The following CACNA2D1 variants were observed in gnomAD, a reference collection of about 807,000 sequenced individuals.
CACNA2D1 encodes calcium voltage-gated channel auxiliary subunit alpha2delta 1, also known as voltage-dependent calcium channel subunit alpha-2/delta-1.
In CACNA2D1, 53 loss-of-function variants were observed where a neutral mutation model predicts 171.5. The ratio of observed to expected loss-of-function variants is 0.31; its 90% confidence interval spans 0.25 to 0.39. CACNA2D1 has a LOEUF of 0.39. Among genes scored for constraint, CACNA2D1 ranks in the 10% least tolerant of loss-of-function variants. The probability of loss-of-function intolerance (pLI) is 1.00; values close to 1 mark genes in which losing one functional copy is unlikely to be tolerated. For missense variants in CACNA2D1, 903 were observed against 1,299.8 expected, an observed-to-expected ratio of 0.69 and a Z score of 4.69; for synonymous variants, 442 against 443.1, an observed-to-expected ratio of 1.00 and a Z score of 0.03.
At chr7:82,020,147 C>A (rs1189141318) in intron 12 of CACNA2D1, among the ~76,000 whole-genome samples, 1 of 152,150 alleles carries the variant, frequency 6.6e-6, no homozygotes, top group Non-Finnish European at 1.5e-5. Flanking sequence ...TTTGGTGATC[C>A]ACCTTAGCCT....
At chr7:82,165,670 A>G (rs12707474) in intron 4 of CACNA2D1, among the ~76,000 whole-genome samples, 42,503 of 151,638 alleles carry the variant, frequency 0.28, 5,985 homozygotes, top group Middle Eastern at 0.36. Context: ...AGAATTTTGG[A>G]GTAAATGAGC....
chr7:82,356,547 A>AT (rs1309464226), intron 1 of CACNA2D1, among the ~76,000 whole-genome samples: 1 of 152,184 alleles, frequency 6.6e-6, no homozygotes, highest in Admixed American at 6.5e-5. Flanking sequence ...ATTTATTCTC[A>AT]TTTATCAATA....
chr7:82,204,248 G>A (rs1799786638), intron 3 of CACNA2D1, among the ~76,000 whole-genome samples: 1 of 152,200 alleles, frequency 6.6e-6, no homozygotes, highest in Non-Finnish European at 1.5e-5. Flanking sequence ...TGATCACCAA[G>A]GAGGTGACAA....
At chr7:82,376,631 C>A (rs1409471858) in intron 1 of CACNA2D1, among the ~76,000 whole-genome samples, 2 of 152,110 alleles carry the variant, frequency 1.3e-5, no homozygotes, top group Non-Finnish European at 2.9e-5. Context: ...TTTAAAAATT[C>A]ATGTGGGTTA....
intron 4 of CACNA2D1, among the ~76,000 whole-genome samples, chr7:82,157,926 C>T (rs10486947): frequency 0.024 from 3,658 of 151,950 alleles, 62 homozygotes; most frequent in Non-Finnish European, 0.037. Context: ...TATAGAAACA[C>T]TAAGATTGCA....
chr7:82,342,668 T>C (rs1313835442), intron 2 of CACNA2D1, among the ~76,000 whole-genome samples: 1 of 152,154 alleles, frequency 6.6e-6, no homozygotes, highest in Non-Finnish European at 1.5e-5. Context: ...AAATGTATGC[T>C]GTCAGAATTC....
intron 3 of CACNA2D1, among the ~76,000 whole-genome samples, chr7:82,201,075 C>T (rs749523283): frequency 6.6e-6 from 1 of 152,112 alleles, no homozygotes; most frequent in Non-Finnish European, 1.5e-5. Flanking sequence ...TCTAGTACCT[C>T]TTGTTCATTT....
At position 81,955,644 on chromosome 7, in the gene CACNA2D1, T is replaced by A. The variant is rs190492513; in HGVS notation, c.3159+3631A>T. ...ATCAGAAGGATATAGATTATACTTC[T>A]ACAATTATGAAGCTCCATACCATGA... is the stretch of plus-strand genomic sequence containing the variant. On this transcript the variant is annotated intron_variant, in intron 38 of 38. Transcript: ENST00000356860. Among the ~76,000 whole-genome samples the A allele has an allele frequency of 5.9e-5, 9 of 152,100 alleles. No homozygotes were observed. In the East Asian group the frequency reaches 1.6e-3, roughly 26 times the overall value.
chr7:82,377,114 G>C (rs2237524), intron 1 of CACNA2D1, among the ~76,000 whole-genome samples: 2 of 152,056 alleles, frequency 1.3e-5, no homozygotes, highest in African/African-American at 2.4e-5. Context: ...AATTTTGTCA[G>C]GAAAATCTGG....
At chr7:82,282,673 CAA>C (rs930801462) in intron 3 of CACNA2D1, among the ~76,000 whole-genome samples, 1 of 143,696 alleles carries the variant, frequency 7.0e-6, no homozygotes, top group African/African-American at 2.7e-5. Flanking sequence ...TTTTATTAAA[CAA>C]AGTGTTGTGT....
chr7:82,202,492 C>T (rs1023900253), intron 3 of CACNA2D1, among the ~76,000 whole-genome samples: 2 of 152,058 alleles, frequency 1.3e-5, no homozygotes, highest in African/African-American at 2.4e-5. Flanking sequence ...GAAACCTGGG[C>T]GGCAGTAGAT....
intron 6 of CACNA2D1, among the ~76,000 whole-genome samples, chr7:82,106,672 G>A (rs1487591053): frequency 6.6e-6 from 1 of 151,918 alleles, no homozygotes; most frequent in Non-Finnish European, 1.5e-5. Flanking sequence ...TAAACATTGT[G>A]CCTAGGTAAT....
At chr7:82,412,282 T>A (rs1000346985) in intron 1 of CACNA2D1, among the ~76,000 whole-genome samples, 12 of 144,744 alleles carry the variant, frequency 8.3e-5, no homozygotes, top group Non-Finnish European at 1.5e-4. Flanking sequence ...GCTTGTAACT[T>A]TTTTTTTTTT....
Position 82,268,568 on chromosome 7 carries a change from C to G in CACNA2D1, c.294+66567G>C, listed in dbSNP as rs116175195. ...CTTATTCAACCAAAACCAGAAATAT[C>G]AAAACAGAAGAGTTAATTATTGGGG... is the stretch of plus-strand genomic sequence containing the variant. On this transcript the variant is annotated intron_variant, in intron 3 of 38. Transcript: ENST00000356860. Among the ~76,000 whole-genome samples, 1,253 of 151,886 alleles carry G rather than the reference C, an allele frequency of 8.2e-3. 24 individuals are homozygous for G. The highest frequency in any genetic ancestry group is 0.029 in the African/African-American group (1,185 of 41,412).
At chr7:82,075,219 TAA>T (rs3086906) in intron 7 of CACNA2D1, among the ~76,000 whole-genome samples, 55,774 of 148,284 alleles carry the variant, frequency 0.38, 10,841 homozygotes, top group Non-Finnish European at 0.44. Context: ...TCACCATAAT[TAA>T]AAAAAAAAAA....
chr7:82,117,401 T>C (rs1789192980), intron 5 of CACNA2D1, among the ~76,000 whole-genome samples: 1 of 152,174 alleles, frequency 6.6e-6, no homozygotes, highest in Non-Finnish European at 1.5e-5. Context: ...CTCTCCTGAT[T>C]TCCTCAATGT....
At chr7:82,346,488 A>G (rs1419891186) in intron 2 of CACNA2D1, among the ~76,000 whole-genome samples, 1 of 152,176 alleles carries the variant, frequency 6.6e-6, no homozygotes, top group Non-Finnish European at 1.5e-5. Flanking sequence ...GGGATATGCT[A>G]TAATACTCCA....
At chr7:82,224,581 C>T (rs559431861) in intron 3 of CACNA2D1, among the ~76,000 whole-genome samples, 1 of 150,924 alleles carries the variant, frequency 6.6e-6, no homozygotes, top group African/African-American at 2.4e-5. Context: ...GACTCCGACT[C>T]GAAAAAAAAA....
intron 4 of CACNA2D1, among the ~76,000 whole-genome samples, chr7:82,141,472 G>A (rs879395295): frequency 6.6e-6 from 1 of 152,150 alleles, no homozygotes; most frequent in Non-Finnish European, 1.5e-5. Context: ...CCAGTCTCCT[G>A]TTCCCATCCC....
Sources: allele counts gnomAD v4.1 joint callset (sites outside exome capture counted in the v4.1 genomes callset), GRCh38; gene constraint gnomAD v4.1.1; transcripts MANE v1.5; gene names NCBI Gene and HGNC (gene_info 2026-07-23, HGNC 2026-07-21).